Variants in MAL2 observed in about 807,000 individuals in gnomAD.
MAL2 encodes mal, T cell differentiation protein 2.
In MAL2, 17 loss-of-function variants were observed where a neutral mutation model predicts 18.1. The ratio of observed to expected loss-of-function variants is 0.94; its 90% CI spans 0.64 to 1.41. The LOEUF (loss-of-function observed/expected upper bound fraction) is 1.41. Among genes scored for constraint, MAL2 ranks in the 40% most tolerant of loss-of-function variants. The pLI is 0.00. For synonymous variants in MAL2, 102 were observed against 102.3 expected, an observed-to-expected ratio of 1.00 and a Z score of 0.02; for missense variants, 222 against 231.9, an observed-to-expected ratio of 0.96 and a Z score of 0.28.
Position 119,243,606 on chromosome 8 carries a change from GAGAGAGA to G in MAL2, c.*119_*125del. The G allele has an allele frequency of 1.4e-6, 1 of 726,688 alleles. No homozygotes were observed. 45.0% of individuals were successfully genotyped at this position (726,688 alleles called of 1,614,324 possible). ...CATTCCAAAAGTAATGTGTTTAGTA[GAGAGAGA>G]CTCTAAGCTCAAGTTCTGGTTTATT... On this transcript the variant is annotated 3_prime_UTR_variant, in exon 4 of 4. Coordinates refer to ENST00000614891, the MANE Select transcript of MAL2 (RefSeq NM_052886.3).
intron 3 of MAL2, among the ~76,000 whole-genome samples, chr8:119,240,880 T>C (rs1818033963): frequency 6.6e-6 from 1 of 152,158 alleles, no homozygotes; most frequent in South Asian, 2.1e-4. Flanking sequence ...GGGGTATTTA[T>C]TAAATTTTTT....
At chr8:119,219,567 C>G (rs62532252) in intron 1 of MAL2, among the ~76,000 whole-genome samples, 45 of 142,416 alleles carry the variant, frequency 3.2e-4, no homozygotes, top group Non-Finnish European at 4.4e-4. Flanking sequence ...GAGAGAGAGA[C>G]AGAGAGAGAG....
rs1818097683 is a variant in MAL2, at chr8:119,243,753, C to T, written c.*265C>T. 4 of 314,006 alleles carry T rather than the reference C, an allele frequency of 1.3e-5. No homozygotes were observed. Among genetic ancestry groups the T allele is most frequent in the Non-Finnish European group, 2.3e-5 (4 of 173,492 alleles). 19.5% of individuals were successfully genotyped at this position (314,006 alleles called of 1,614,324 possible). On this transcript the variant is annotated 3_prime_UTR_variant, in exon 4 of 4. Coordinates refer to ENST00000614891, the MANE Select transcript of MAL2 (RefSeq NM_052886.3). ...TCCTCCTTTTCTTTCTGAAAGTTTC[C>T]TTTTATGTCCATAAAATACAAATAT...
intron 2 of MAL2, among the ~76,000 whole-genome samples, chr8:119,238,340 G>A (rs1369359925): frequency 1.3e-5 from 2 of 152,140 alleles, no homozygotes; most frequent in Admixed American, 1.3e-4. Context: ...TCATGAAAAT[G>A]GCCATACTGC....
chr8:119,237,740 C>G (rs570764755), intron 2 of MAL2, among the ~76,000 whole-genome samples: 7 of 151,636 alleles, frequency 4.6e-5, no homozygotes, highest in Admixed American at 4.6e-4. Context: ...ATTCAACAAC[C>G]CTTCATGCTA....
At chr8:119,218,316 C>G (rs188244614) in intron 1 of MAL2, among the ~76,000 whole-genome samples, 1 of 152,090 alleles carries the variant, frequency 6.6e-6, no homozygotes, top group African/African-American at 2.4e-5. Flanking sequence ...CATTTAGTTT[C>G]CCTTCCAAGC....
At chr8:119,228,157 CTTGAAGT>C (rs1229635677) in intron 2 of MAL2, among the ~76,000 whole-genome samples, 1 of 152,146 alleles carries the variant, frequency 6.6e-6, no homozygotes, top group Non-Finnish European at 1.5e-5. Context: ...TCTGCCTTCT[CTTGAAGT>C]TTAGTGGCAA....
At chr8:119,225,095 C>T (rs1369841746) in intron 2 of MAL2, among the ~76,000 whole-genome samples, 1 of 152,012 alleles carries the variant, frequency 6.6e-6, no homozygotes, top group African/African-American at 2.4e-5. Flanking sequence ...AGTTTTACTA[C>T]ATAAACTTGC....
intron 2 of MAL2, 78 bp from the exon 3 acceptor site, chr8:119,240,087 C>G: frequency 6.9e-7 from 1 of 1,444,114 alleles, no homozygotes. Flanking sequence ...TCTTGCTAAA[C>G]CTAAACTTCA....
At chr8:119,225,058 CTTTT>C (rs769663924) in intron 2 of MAL2, among the ~76,000 whole-genome samples, 2 of 148,090 alleles carry the variant, frequency 1.4e-5, no homozygotes, top group African/African-American at 2.5e-5. Flanking sequence ...GACGATGCAG[CTTTT>C]TTTTTTAAGA....
chr8:119,223,696 A>G (rs1817518832), intron 2 of MAL2: 1 of 152,182 alleles, frequency 6.6e-6, no homozygotes, highest in Non-Finnish European at 1.5e-5. Flanking sequence ...CGTTGATTGT[A>G]TGGTAGGCAT....
intron 1 of MAL2, among the ~76,000 whole-genome samples, chr8:119,213,788 A>C (rs140765151): frequency 2.0e-4 from 31 of 152,348 alleles, no homozygotes; most frequent in Non-Finnish European, 2.9e-5. Flanking sequence ...ATCACCCTCC[A>C]GCCTGGGAAA....
intron 1 of MAL2, among the ~76,000 whole-genome samples, chr8:119,216,466 C>T (rs73709668): frequency 0.077 from 11,665 of 152,178 alleles, 1,293 homozygotes; most frequent in African/African-American, 0.25. Flanking sequence ...CTCTCAAGGT[C>T]TGTGAGGATT....
chr8:119,220,118 A>T (rs1201930132), intron 1 of MAL2, among the ~76,000 whole-genome samples: 1 of 152,206 alleles, frequency 6.6e-6, no homozygotes, highest in Non-Finnish European at 1.5e-5. Context: ...GCATGGTAGT[A>T]TGGAGGAGAC....
At chr8:119,242,484 A>T (rs1367935007) in intron 3 of MAL2, among the ~76,000 whole-genome samples, 1 of 152,194 alleles carries the variant, frequency 6.6e-6, no homozygotes, top group Non-Finnish European at 1.5e-5. Context: ...GGGAAATTAG[A>T]GAGGAAAATT....
chr8:119,230,089 G>GTGTT, intron 2 of MAL2, among the ~76,000 whole-genome samples: 1 of 152,276 alleles, frequency 6.6e-6, no homozygotes, highest in East Asian at 1.9e-4. Context: ...CTGGTGTCAA[G>GTGTT]TGTTTCTTCT....
intron 2 of MAL2, among the ~76,000 whole-genome samples, chr8:119,224,507 T>C (rs541945010): frequency 1.1e-4 from 16 of 152,364 alleles, no homozygotes; most frequent in Middle Eastern, 3.4e-3. Context: ...ATCATTTGCC[T>C]ATTATGGACA....
chr8:119,243,519 G>GT lies in MAL2; in HGVS notation c.*34dup. On this transcript the variant is annotated 3_prime_UTR_variant, in exon 4 of 4. Transcript: ENST00000614891. Reference sequence around the variant, plus strand: ...CTTAGAAACTGGCAGTCGTATGTTAGTTTCACTTGTCTACTTTATATGTCT... The same window carrying GT: ...CTTAGAAACTGGCAGTCGTATGTTAGTTTTCACTTGTCTACTTTATATGTCT... 6.5e-7 allele frequency: 1 copy of GT among 1,546,572 alleles called. No homozygotes were observed. Among genetic ancestry groups the GT allele is most frequent in the Non-Finnish European group, 8.8e-7 (1 of 1,141,848 alleles).
At chr8:119,239,231 T>C (rs1226248491) in intron 2 of MAL2, among the ~76,000 whole-genome samples, 1 of 152,136 alleles carries the variant, frequency 6.6e-6, no homozygotes, top group African/African-American at 2.4e-5. Flanking sequence ...TGAGATATCA[T>C]CTCATACCAG....
Sources: allele counts gnomAD v4.1 joint callset (sites outside exome capture counted in the v4.1 genomes callset), GRCh38; gene constraint gnomAD v4.1.1; transcripts MANE v1.5; gene names NCBI Gene and HGNC (gene_info 2026-07-23, HGNC 2026-07-21).